The following DMXL2 variants were observed in gnomAD, a reference collection of about 807,000 sequenced individuals.
DMXL2 encodes the protein Dmx like 2.
DMXL2 carries 103 observed loss-of-function variants against 331.1 expected under a neutral mutation model. The ratio of observed to expected loss-of-function variants is 0.31; its 90% CI spans 0.27 to 0.37. The LOEUF is 0.37. Ranked by LOEUF, DMXL2 falls within the 10% of genes least tolerant of loss-of-function variation. The probability of loss-of-function intolerance (pLI) is 1.00; values close to 1 mark genes in which losing one functional copy is unlikely to be tolerated. For missense variants in DMXL2, 3,171 were observed against 3,642.9 expected (o/e 0.87, Z 3.33); for synonymous variants, 1,281 against 1,252.1 (o/e 1.02, Z -0.49).
At chr15:51,607,572 G>C (rs1487762144) in intron 1 of DMXL2, among the ~76,000 whole-genome samples, 1 of 152,154 alleles carries the variant, frequency 6.6e-6, no homozygotes, top group African/African-American at 2.4e-5. Flanking sequence ...TCAGGGCAGA[G>C]GCAATATTTG....
chr15:51,486,387 A>C, intron 22 of DMXL2, 50 bp from the exon 23 acceptor site: 2 of 1,363,842 alleles, frequency 1.5e-6, no homozygotes, highest in Non-Finnish European at 2.0e-6. Flanking sequence ...AATTATTTAG[A>C]GAGATGAAAT....
Position 51,622,629 on chromosome 15 carries a change from C to T in DMXL2, c.-84G>A, listed in dbSNP as rs1200500217. 6 of 1,467,396 alleles carry T rather than the reference C, an allele frequency of 4.1e-6. No individual in the cohort carries two copies. Among genetic ancestry groups the T allele is most frequent in the South Asian group, 1.4e-5 (1 of 73,832 alleles). 90.9% of individuals were successfully genotyped at this position (1,467,396 alleles called of 1,614,324 possible). ...CTCCTCGGGCTGCGAGAGCCGTTTC[C>T]CTCTGTGCCTCCCTCGGAAACCCGC... On this transcript the variant is annotated 5_prime_UTR_variant, in exon 1 of 44. Transcript: ENST00000560891.
At chr15:51,574,905 C>G (rs557312595) in intron 2 of DMXL2, among the ~76,000 whole-genome samples, 25 of 152,274 alleles carry the variant, frequency 1.6e-4, no homozygotes, top group Non-Finnish European at 3.1e-4. Context: ...CCTCTGACAA[C>G]TATCATACAA....
chr15:51,498,501 C>T, intron 18 of DMXL2, 51 bp downstream of exon 18: 1 of 1,533,484 alleles, frequency 6.5e-7, no homozygotes, highest in South Asian at 1.3e-5. Flanking sequence ...AGAGATAATA[C>T]AAATATTTCT....
At chr15:51,537,385 A>G in intron 11 of DMXL2, 103 bp downstream of exon 11, 1 of 1,311,214 alleles carries the variant, frequency 7.6e-7, no homozygotes, top group Non-Finnish European at 1.0e-6. Context: ...GCTTATCAAA[A>G]CCAAAATTTT....
In DMXL2 at chr15:51,502,974, CGTT is replaced by C; in HGVS notation, c.2821_2823del (p.Asn941del). 1 of 1,613,888 alleles carries C rather than the reference CGTT, an allele frequency of 6.2e-7. No individual in the cohort carries two copies. ...GGAGAGGTTTCTGGAGAAGAATCTA[CGTT>C]CTTCTGTCCAGGGACTGAAAGTAGA... On this transcript the variant is annotated inframe_deletion, in exon 17 of 44. Coordinates refer to ENST00000560891, the MANE Select transcript of DMXL2 (RefSeq NM_001378457.1).
chr15:51,460,198 G>A (rs1012963231), intron 33 of DMXL2: 1 of 986,348 alleles, frequency 1.0e-6, no homozygotes, highest in Non-Finnish European at 1.2e-6. Flanking sequence ...GTTGATGCAG[G>A]GTCCTAAGGA....
Position 51,481,104 on chromosome 15 carries a change from G to A in DMXL2, c.6002C>T (p.Thr2001Ile), listed in dbSNP as rs764399240. ...TTGTTTATCTTTTTCCCTGGCATCT[G>A]TACTTTTCATCACTAAACCAACAGC... The part of the protein sequence containing the change: ...DDAVGLVMKS[T>I]DAREKDKQSD... The change falls in exon 24 of 44, where the codon ACA (threonine) becomes ATA (isoleucine). Residue 2001 changes from threonine to isoleucine, a missense_variant. Physicochemically the swap from Thr to Ile is moderately conservative, Grantham distance 89 (BLOSUM62 -1). Coordinates refer to ENST00000560891, the MANE Select transcript of DMXL2 (RefSeq NM_001378457.1). The A allele has an allele frequency of 8.1e-6, 13 of 1,613,022 alleles. No homozygotes were observed. The highest frequency in any genetic ancestry group is 5.1e-6 in the Non-Finnish European group (6 of 1,179,310).
intron 1 of DMXL2, among the ~76,000 whole-genome samples, chr15:51,606,198 A>G (rs2053575150): frequency 6.6e-6 from 1 of 151,980 alleles, no homozygotes; most frequent in Non-Finnish European, 1.5e-5. Context: ...GAGATTTTGT[A>G]TGTGTGTGTG....
chr15:51,477,862 T>C (rs188321229), intron 26 of DMXL2, among the ~76,000 whole-genome samples: 103 of 152,186 alleles, frequency 6.8e-4, no homozygotes, highest in Non-Finnish European at 4.4e-5. Context: ...AATAATTCCA[T>C]TTTAGGAATG....
rs1216748626 is a variant in DMXL2, at chr15:51,537,670, G to A, written c.1435C>T (p.Arg479Ter). 4 of 1,613,844 alleles carry A rather than the reference G, an allele frequency of 2.5e-6. No individual in the cohort carries two copies. The highest frequency in any genetic ancestry group is 1.7e-5 in the Admixed American group (1 of 59,986). ...EREGSPRTYS[R>*]LSVPMPLPTV... ...GGCAGTGGCATTGGTACACTAAGTCGTGAGTAAGTTCTAGGACTTCCTTCT... is the reference window on the plus strand; with the variant it reads ...GGCAGTGGCATTGGTACACTAAGTCATGAGTAAGTTCTAGGACTTCCTTCT... The change falls in exon 11 of 44, where the codon CGA becomes TGA. Residue 479 changes from arginine (R) to a stop codon, truncating the protein, a stop_gained. Coordinates refer to ENST00000560891, the MANE Select transcript of DMXL2 (RefSeq NM_001378457.1). LOFTEE classifies it high-confidence loss of function.
intron 9 of DMXL2, 125 bp downstream of exon 9, chr15:51,542,208 T>G: frequency 1.3e-5 from 12 of 893,688 alleles, no homozygotes; most frequent in Non-Finnish European, 2.0e-5. Flanking sequence ...ATTATATCTC[T>G]ACTCCAATTA....
chr15:51,614,451 T>C (rs1022672025), intron 1 of DMXL2, among the ~76,000 whole-genome samples: 1 of 152,200 alleles, frequency 6.6e-6, no homozygotes, highest in African/African-American at 2.4e-5. Context: ...TGAGGAAAAT[T>C]TGAGAACCAC....
chr15:51,454,322 T>C (rs539897065), intron 40 of DMXL2, among the ~76,000 whole-genome samples: 6 of 152,258 alleles, frequency 3.9e-5, no homozygotes, highest in Admixed American at 3.9e-4. Flanking sequence ...CAGCATCACC[T>C]TCCACCCTCC....
chr15:51,486,316 C>G lies in DMXL2; in HGVS notation c.5239G>C (p.Asp1747His). The G allele has an allele frequency of 6.3e-7, 1 of 1,594,462 alleles. No homozygotes were observed. The highest frequency in any genetic ancestry group is 8.6e-7 in the Non-Finnish European group (1 of 1,163,896). ...GCAATAACCATGGCTAGCTGAATAT[C>G]TTCCATTTTTTCAAGACATACCTGC... is the stretch of plus-strand genomic sequence containing the variant. ...AIEVCLEKME[D>H]IQLAMVIARL... The change falls in exon 23 of 44, where the codon GAT (aspartate) becomes CAT (histidine). Residue 1747 changes from aspartate to histidine, a missense_variant. Asp to His is a moderately conservative substitution (Grantham distance 81). Coordinates refer to ENST00000560891, the MANE Select transcript of DMXL2 (RefSeq NM_001378457.1).
intron 6 of DMXL2, among the ~76,000 whole-genome samples, chr15:51,556,911 C>T (rs2049632629): frequency 6.6e-6 from 1 of 152,002 alleles, no homozygotes; most frequent in South Asian, 2.1e-4. Flanking sequence ...AAAGTATCTA[C>T]CACAAACATC....
intron 1 of DMXL2, among the ~76,000 whole-genome samples, chr15:51,607,330 C>T (rs903221836): frequency 7.9e-5 from 12 of 152,086 alleles, no homozygotes; most frequent in African/African-American, 2.9e-4. Flanking sequence ...GTGGCAGGTG[C>T]CTGTAGTCCC....
At chr15:51,506,745 G>A (rs573671260) in intron 16 of DMXL2, among the ~76,000 whole-genome samples, 12 of 152,226 alleles carry the variant, frequency 7.9e-5, no homozygotes, top group African/African-American at 2.4e-4. Context: ...GAGCCACCGC[G>A]CCCAGCCAAT....
chr15:51,521,978 C>A (rs1344231451), intron 13 of DMXL2, among the ~76,000 whole-genome samples: 4 of 152,060 alleles, frequency 2.6e-5, no homozygotes, highest in Non-Finnish European at 5.9e-5. Flanking sequence ...CACACTATAC[C>A]ACCCTATCTT....
Sources: gnomAD v4.1 joint callset for allele counts (sites outside exome capture counted in the v4.1 genomes callset) on GRCh38, gnomAD v4.1.1 for gene constraint, MANE v1.5 for transcripts, NCBI Gene and HGNC (gene_info 2026-07-23, HGNC 2026-07-21) for gene names.